The following MAP3K5 variants were observed in gnomAD, a reference collection of about 807,000 sequenced individuals.
MAP3K5 encodes the protein ASK-1.
Under a neutral mutation model 158.7 loss-of-function variants are expected in MAP3K5, and 56 were observed. The observed-to-expected ratio is 0.35, with a 90% confidence interval of 0.28 to 0.44. MAP3K5 has a LOEUF of 0.44. Among genes scored for constraint, MAP3K5 ranks in the 20% least tolerant of loss-of-function variants. MAP3K5 has a pLI of 1.00. For missense variants in MAP3K5, 1,294 were observed against 1,674.8 expected (o/e 0.77, Z 3.97); for synonymous variants, 579 against 601.7 (o/e 0.96, Z 0.55).
intron 23 of MAP3K5, among the ~76,000 whole-genome samples, chr6:136,586,972 T>C (rs1273859481): frequency 6.6e-6 from 1 of 152,218 alleles, no homozygotes; most frequent in East Asian, 1.9e-4. Context: ...GACAGCCTAT[T>C]GTGGGACCTT....
intron 11 of MAP3K5, among the ~76,000 whole-genome samples, chr6:136,647,094 C>T (rs959860481): frequency 8.5e-5 from 13 of 152,162 alleles, no homozygotes; most frequent in African/African-American, 2.9e-4. Flanking sequence ...TGTCCCTTTG[C>T]AGTCACAATT....
chr6:136,685,627 T>A (rs551341494), intron 7 of MAP3K5, among the ~76,000 whole-genome samples: 1 of 152,174 alleles, frequency 6.6e-6, no homozygotes, highest in Non-Finnish European at 1.5e-5. Flanking sequence ...CCTTAAACTT[T>A]CCATGATCAG....
chr6:136,651,912 G>A (rs1174561579), intron 10 of MAP3K5, among the ~76,000 whole-genome samples: 1 of 152,044 alleles, frequency 6.6e-6, no homozygotes, highest in Non-Finnish European at 1.5e-5. Context: ...TTGTATAGAT[G>A]CTTAAAGGCA....
At position 136,697,218 on chromosome 6, in the gene MAP3K5, C is replaced by T; in HGVS notation, c.975+1G>A. On this transcript the variant is annotated splice_donor_variant, in intron 5 of 29. Transcript: ENST00000359015. LOFTEE classifies it high-confidence loss of function. Reference sequence around the variant, plus strand: ...AGATTTCACTTTAAACATCTTCTCACCTGGATATCTCTGTAGGAAAGTAAC... The same window carrying T: ...AGATTTCACTTTAAACATCTTCTCATCTGGATATCTCTGTAGGAAAGTAAC... 2.5e-6 allele frequency: 4 copies of T among 1,609,884 alleles called. No individual in the cohort carries two copies. The highest frequency in any genetic ancestry group is 3.4e-6 in the Non-Finnish European group (4 of 1,177,394).
intron 24 of MAP3K5, among the ~76,000 whole-genome samples, chr6:136,581,872 C>G (rs1774895747): frequency 1.3e-5 from 2 of 152,152 alleles, no homozygotes; most frequent in Non-Finnish European, 2.9e-5. Flanking sequence ...CACCTGAGGC[C>G]AGGAGTTCAA....
chr6:136,782,574 T>A (rs1784663284), intron 1 of MAP3K5, among the ~76,000 whole-genome samples: 1 of 152,238 alleles, frequency 6.6e-6, no homozygotes, highest in African/African-American at 2.4e-5. Context: ...TTACTTCCTG[T>A]ATGAATCATA....
intron 2 of MAP3K5, among the ~76,000 whole-genome samples, chr6:136,708,694 T>C (rs1781179913): frequency 6.6e-6 from 1 of 152,128 alleles, no homozygotes; most frequent in African/African-American, 2.4e-5. Context: ...AGAGGAAGGT[T>C]GAAAGTGGCT....
chr6:136,732,541 G>A (rs1268630653), intron 1 of MAP3K5, among the ~76,000 whole-genome samples: 2 of 152,202 alleles, frequency 1.3e-5, no homozygotes, highest in Non-Finnish European at 2.9e-5. Flanking sequence ...TTCACTTCAG[G>A]TAGTGACTTG....
In MAP3K5 at chr6:136,669,374, A is replaced by T. The variant is rs753277136; in HGVS notation, c.1275T>A (p.Ser425=). ...TAATTCCTGACTGTAGTGTTGGCTC[A>T]GATTCAAATGCCTTTTTGAACCTAT... ...GASWFKKAFE[S]EPTLQSGINY... Residue 425 remains serine, a synonymous_variant, in exon 8 of 30, where the codon TCT becomes TCA. Coordinates refer to ENST00000359015, the MANE Select transcript of MAP3K5 (RefSeq NM_005923.4). 18 of 1,610,092 alleles carry T rather than the reference A, an allele frequency of 1.1e-5. No individual in the cohort carries two copies. The East Asian group carries it at 4.0e-4, about 36-fold the overall frequency.
intron 9 of MAP3K5, among the ~76,000 whole-genome samples, chr6:136,658,336 A>G (rs1293319999): frequency 8.5e-5 from 7 of 82,820 alleles, no homozygotes; most frequent in Non-Finnish European, 1.3e-4. Context: ...TTTTTTTGAG[A>G]CAGAGTCTTG....
At chr6:136,776,184 G>A (rs1245703833) in intron 1 of MAP3K5, among the ~76,000 whole-genome samples, 1 of 152,160 alleles carries the variant, frequency 6.6e-6, no homozygotes, top group Non-Finnish European at 1.5e-5. Flanking sequence ...TACACGATTC[G>A]TCTAAAGTAG....
At chr6:136,676,257 A>G (rs1779698800) in intron 7 of MAP3K5, among the ~76,000 whole-genome samples, 1 of 152,238 alleles carries the variant, frequency 6.6e-6, no homozygotes, top group South Asian at 2.1e-4. Flanking sequence ...TGTGAAATGA[A>G]GAAAGAATGC....
At chr6:136,747,003 C>A (rs1372874392) in intron 1 of MAP3K5, among the ~76,000 whole-genome samples, 1 of 152,152 alleles carries the variant, frequency 6.6e-6, no homozygotes, top group African/African-American at 2.4e-5. Context: ...CTCACTGCAG[C>A]CTCAAACTCC....
intron 1 of MAP3K5, among the ~76,000 whole-genome samples, chr6:136,789,204 G>A (rs1322113657): frequency 6.6e-6 from 1 of 152,194 alleles, no homozygotes; most frequent in Non-Finnish European, 1.5e-5. Flanking sequence ...CAGCTACTCG[G>A]GAGGCTGAGG....
chr6:136,732,313 C>A (rs976777041), intron 1 of MAP3K5, among the ~76,000 whole-genome samples: 3 of 152,042 alleles, frequency 2.0e-5, no homozygotes, highest in African/African-American at 4.8e-5. Flanking sequence ...TAGTCCCAGC[C>A]ACTAGGGAGG....
chr6:136,742,628 A>G (rs1582624090), intron 1 of MAP3K5, among the ~76,000 whole-genome samples: 1 of 152,298 alleles, frequency 6.6e-6, no homozygotes, highest in African/African-American at 2.4e-5. Flanking sequence ...AAGGCATAAT[A>G]AAAGAATTAT....
intron 1 of MAP3K5, among the ~76,000 whole-genome samples, chr6:136,730,301 CTT>C (rs78963095): frequency 6.9e-6 from 1 of 144,894 alleles, no homozygotes; most frequent in Non-Finnish European, 1.5e-5. Flanking sequence ...ACTGGCCAAA[CTT>C]TTTTTTTTTT....
intron 8 of MAP3K5, among the ~76,000 whole-genome samples, chr6:136,666,549 T>C (rs1779238058): frequency 1.3e-5 from 2 of 152,180 alleles, no homozygotes; most frequent in African/African-American, 2.4e-5. Flanking sequence ...TGAAACTAGG[T>C]GTATCTTTAA....
Position 136,701,003 on chromosome 6 carries a change from C to T in MAP3K5, c.613-2321G>A, listed in dbSNP as rs1780831707. ...AACATGTATTCACCATGTGTGTGTG[C>T]CAGGGTATGAACAGTCATAAGTCAG... On this transcript the variant is annotated intron_variant, in intron 3 of 29. Coordinates refer to ENST00000359015, the MANE Select transcript of MAP3K5 (RefSeq NM_005923.4). 3.3e-5 allele frequency among the ~76,000 whole-genome samples: 5 copies of T among 152,160 alleles called. No homozygotes were observed. The South Asian group carries it at 1.0e-3, about 32-fold the overall frequency.
Sources: gnomAD v4.1 joint callset for allele counts (sites outside exome capture counted in the v4.1 genomes callset) on GRCh38, gnomAD v4.1.1 for gene constraint, MANE v1.5 for transcripts, NCBI Gene and HGNC (gene_info 2026-07-23, HGNC 2026-07-21) for gene names.